The following AGO1 variants were observed in gnomAD, a reference collection of about 807,000 sequenced individuals.
AGO1 encodes the protein protein argonaute-1.
A neutral mutation model predicts 109.2 loss-of-function variants in AGO1; 11 were observed. That is an observed-to-expected ratio of 0.10 (90% confidence interval 0.06 to 0.17). The LOEUF is 0.17. AGO1 is among the 10% of genes least tolerant of loss of function. AGO1 has a pLI of 1.00. For missense variants in AGO1, 574 were observed against 1,140.3 expected, an observed-to-expected ratio of 0.50 and a Z score of 7.15; for synonymous variants, 422 against 418.6, an observed-to-expected ratio of 1.01 and a Z score of -0.10.
chr1:35,892,073 A>G (rs1645230675), intron 2 of AGO1, among the ~76,000 whole-genome samples: 1 of 151,960 alleles, frequency 6.6e-6, no homozygotes, highest in African/African-American at 2.4e-5. Flanking sequence ...TTTGTAGAAG[A>G]TACGGTCTCA....
In AGO1 at chr1:35,923,993, A is replaced by T. The variant is rs900365728; in HGVS notation, c.*4386A>T. 6.5e-6 allele frequency: 1 copy of T among 152,684 alleles called. No individual in the cohort carries two copies. The highest frequency in any genetic ancestry group is 2.4e-5 in the African/African-American group (1 of 41,460). 9.5% of individuals were successfully genotyped at this position (152,684 alleles called of 1,614,324 possible). A position where few individuals can be genotyped will look rare whatever the true frequency, so the allele number is the denominator to read the frequency against. The stretch of plus-strand genomic sequence containing the variant: ...ATTGGTATGTGATGTTGCACTTAGC[A>T]GCCATGTGGTGGGCATGTGTGACTA... On this transcript the variant is annotated 3_prime_UTR_variant, in exon 19 of 19. Coordinates refer to ENST00000373204, the MANE Select transcript of AGO1 (RefSeq NM_012199.5).
rs1645146337 is a variant in AGO1, at chr1:35,887,898, G to C, written c.26-529G>C. Among the ~76,000 whole-genome samples the C allele has an allele frequency of 2.6e-5, 4 of 151,990 alleles. No individual in the cohort carries two copies. In the South Asian group the frequency reaches 8.3e-4, roughly 32 times the overall value. ...TGTCTCCAACTCTCGCCATTCAGTT[G>C]CCTTAATTCTGCCTCAAACACTGAC... On this transcript the variant is annotated intron_variant, in intron 1 of 18. Coordinates refer to ENST00000373204, the MANE Select transcript of AGO1 (RefSeq NM_012199.5).
At chr1:35,872,076 A>G (rs1197816704) in intron 1 of AGO1, among the ~76,000 whole-genome samples, 1 of 151,484 alleles carries the variant, frequency 6.6e-6, no homozygotes, top group Non-Finnish European at 1.5e-5. Flanking sequence ...TCTCAGAAAA[A>G]AAAAAAAAAA....
chr1:35,871,849 C>T (rs1422057463), intron 1 of AGO1, among the ~76,000 whole-genome samples: 1 of 151,882 alleles, frequency 6.6e-6, no homozygotes, highest in African/African-American at 2.4e-5. Flanking sequence ...GTGGGTGGAT[C>T]ACGAGGTCAG....
chr1:35,893,736 G>C lies in AGO1; in HGVS notation c.575G>C (p.Gly192Ala). 6.2e-7 allele frequency: 1 copy of C among 1,614,048 alleles called. No homozygotes were observed. Among genetic ancestry groups the C allele is most frequent in the Non-Finnish European group, 8.5e-7 (1 of 1,179,976 alleles). Reference protein sequence around the residue: ...PPEGYYHPLGGGREVWFGFHQ... With the variant: ...PPEGYYHPLGAGREVWFGFHQ... ...GAGGGCTACTACCACCCGCTGGGGG[G>C]TGGGCGCGAGGTCTGGTTCGGCTTT... The change falls in exon 5 of 19, where the codon GGT (glycine) becomes GCT (alanine). Residue 192 changes from glycine to alanine, a missense_variant. Gly to Ala is a moderately conservative substitution (Grantham distance 60). This residue lies in a region of AGO1 where 129 missense variants were observed against 243.0 expected (regional missense o/e 0.53). Coordinates refer to ENST00000373204, the MANE Select transcript of AGO1 (RefSeq NM_012199.5). This position sits in a 1 kb window ranked among gnomAD's most constrained non-coding sequence, Gnocchi z 5.6.
chr1:35,885,683 A>G (rs1026408605), intron 1 of AGO1, among the ~76,000 whole-genome samples: 1 of 152,266 alleles, frequency 6.6e-6, no homozygotes, highest in African/African-American at 2.4e-5. Flanking sequence ...GCTTATGCCC[A>G]GGTCTGCCTT....
Position 35,903,481 on chromosome 1 carries a change from T to C in AGO1, c.1397+1144T>C, listed in dbSNP as rs74332093. Among the ~76,000 whole-genome samples the C allele has an allele frequency of 6.7e-3, 1,013 of 152,194 alleles. 9 individuals are homozygous for C. Among genetic ancestry groups the C allele is most frequent in the African/African-American group, 0.021 (887 of 41,510 alleles). On this transcript the variant is annotated intron_variant, in intron 11 of 18. Transcript: ENST00000373204. ...CACTCTAGGGATGAGGAGGAGTTGATGGAGCCGACCATTTTGGCTAGACAA... is the reference window on the plus strand; with the variant it reads ...CACTCTAGGGATGAGGAGGAGTTGACGGAGCCGACCATTTTGGCTAGACAA...
chr1:35,874,825 T>G (rs141500933), intron 1 of AGO1, among the ~76,000 whole-genome samples: 4 of 152,246 alleles, frequency 2.6e-5, no homozygotes, highest in African/African-American at 9.6e-5. Flanking sequence ...AAAATAACCT[T>G]ATCTGATATG....
At chr1:35,910,610 T>C (rs1571369400) in intron 12 of AGO1, among the ~76,000 whole-genome samples, 1 of 152,316 alleles carries the variant, frequency 6.6e-6, no homozygotes, top group East Asian at 1.9e-4. Flanking sequence ...TTTATATAAA[T>C]AGAATCATAT....
chr1:35,894,312 C>T lies in AGO1; in HGVS notation c.785-3C>T, dbSNP rs749674397. The T allele has an allele frequency of 6.1e-5, 99 of 1,614,120 alleles. 3 individuals are homozygous for T. In the South Asian group the frequency reaches 1.0e-3, roughly 17 times the overall value. ...GCCCTGACAAGCAGTGTGTGTATCT[C>T]AGGCCTGAAGGTGGAAGTCACCCAC... is the stretch of plus-strand genomic sequence containing the variant. On this transcript the variant is annotated splice_polypyrimidine_tract_variant and splice_region_variant and intron_variant, in intron 6 of 18. Coordinates refer to ENST00000373204, the MANE Select transcript of AGO1 (RefSeq NM_012199.5).
chr1:35,875,811 C>G (rs916903105), intron 1 of AGO1, among the ~76,000 whole-genome samples: 1 of 152,184 alleles, frequency 6.6e-6, no homozygotes, highest in East Asian at 1.9e-4. Flanking sequence ...CCTGGTCACC[C>G]AAGAGCTCTG....
In AGO1 at chr1:35,883,418, TG is replaced by T. The variant is rs1378065562; in HGVS notation, c.-1del. On this transcript the variant is annotated 5_prime_UTR_variant, in exon 1 of 19. Transcript: ENST00000373204. This position sits in a 1 kb window ranked among gnomAD's most constrained non-coding sequence, Gnocchi z 5.4. ...GCCGCCTGACCTCCGCACGGGTATA[TG>T]GGATGGAAGCGGGACCCTCGGGAGC... 6.3e-7 allele frequency: 1 copy of T among 1,576,862 alleles called. No individual in the cohort carries two copies. Among genetic ancestry groups the T allele is most frequent in the Non-Finnish European group, 8.6e-7 (1 of 1,163,710 alleles).
Position 35,886,552 on chromosome 1 carries a change from C to G in AGO1, c.26-1875C>G, listed in dbSNP as rs546080980. Among the ~76,000 whole-genome samples, 130 of 152,192 alleles carry G rather than the reference C, an allele frequency of 8.5e-4. 1 individual carries two copies. The highest frequency in any genetic ancestry group is 3.1e-3 in the African/African-American group (128 of 41,500). On this transcript the variant is annotated intron_variant, in intron 1 of 18. Transcript: ENST00000373204. ...TCCCCCATCATTTCTAACTAGCCCC[C>G]CAGCTCTAGGAGTTATCTTTCTCCG...
chr1:35,871,108 G>A (rs1644946201), intron 1 of AGO1, among the ~76,000 whole-genome samples: 1 of 152,202 alleles, frequency 6.6e-6, no homozygotes, highest in Non-Finnish European at 1.5e-5. Flanking sequence ...TTTACAGGGT[G>A]TGCACGTCTT....
chr1:35,876,626 G>A (rs1441384283), intron 1 of AGO1, among the ~76,000 whole-genome samples: 1 of 152,158 alleles, frequency 6.6e-6, no homozygotes, highest in Admixed American at 6.5e-5. Context: ...TGACTCTGGT[G>A]AAAGTGCTGT....
chr1:35,908,728 G>T (rs564543993), intron 12 of AGO1, among the ~76,000 whole-genome samples: 7 of 151,400 alleles, frequency 4.6e-5, no homozygotes, highest in Non-Finnish European at 8.8e-5. Context: ...TTGTCTTTTC[G>T]CTTCACCTTC....
intron 12 of AGO1, among the ~76,000 whole-genome samples, chr1:35,913,166 C>G (rs915576569): frequency 6.6e-6 from 1 of 151,970 alleles, no homozygotes; most frequent in Non-Finnish European, 1.5e-5. Flanking sequence ...ACTACAGGCG[C>G]CCGCCACCAT....
chr1:35,892,041 C>A (rs143962465), intron 2 of AGO1, among the ~76,000 whole-genome samples: 54 of 152,276 alleles, frequency 3.5e-4, no homozygotes, highest in African/African-American at 1.2e-3. Flanking sequence ...CCATACCCAG[C>A]TAATTACAAA....
At position 35,895,933 on chromosome 1, in the gene AGO1, G is replaced by A. The variant is rs375416216; in HGVS notation, c.1020+664G>A. On this transcript the variant is annotated intron_variant, in intron 8 of 18. Coordinates refer to ENST00000373204, the MANE Select transcript of AGO1 (RefSeq NM_012199.5). ...AAAAGTGTGGTCATGTGTACCAATA[G>A]GATAGGCATTACCTGAGAGCTTGCT... Among the ~76,000 whole-genome samples the A allele has an allele frequency of 2.6e-5, 4 of 152,262 alleles. No homozygotes were observed. In the East Asian group the frequency reaches 5.8e-4, roughly 22 times the overall value.
Sources: allele counts gnomAD v4.1 joint callset (sites outside exome capture counted in the v4.1 genomes callset), GRCh38; gene constraint gnomAD v4.1.1; regional missense constraint gnomAD v4.1.1; non-coding constraint Gnocchi (gnomAD v3.1); transcripts MANE v1.5; gene names NCBI Gene and HGNC (gene_info 2026-07-23, HGNC 2026-07-21).